Variants in ADAMTS6 observed in about 807,000 individuals in gnomAD.
The protein encoded by ADAMTS6 is ADAM metallopeptidase with thrombospondin type 1 motif 6, also known as A disintegrin and metalloproteinase with thrombospondin motifs 6.
A neutral mutation model predicts 144.3 loss-of-function variants in ADAMTS6; 23 were observed. That is an observed-to-expected ratio of 0.16 (90% CI 0.11 to 0.23). ADAMTS6 has a LOEUF of 0.23. Ranked by LOEUF, ADAMTS6 falls within the 10% of genes least tolerant of loss-of-function variation. ADAMTS6 has a pLI of 1.00. For missense variants in ADAMTS6, 999 were observed against 1,379.6 expected, an observed-to-expected ratio of 0.72 and a Z score of 4.37; for synonymous variants, 444 against 457.5, an observed-to-expected ratio of 0.97 and a Z score of 0.38.
chr5:65,282,457 G>T (rs72760519), intron 11 of ADAMTS6, among the ~76,000 whole-genome samples: 2 of 151,944 alleles, frequency 1.3e-5, no homozygotes, highest in Admixed American at 6.6e-5. Context: ...TTTCTTATTA[G>T]ACTTAAAAAG....
At chr5:65,448,323 G>C (rs1758442230) in intron 7 of ADAMTS6, among the ~76,000 whole-genome samples, 1 of 151,960 alleles carries the variant, frequency 6.6e-6, no homozygotes, top group Admixed American at 6.6e-5. Context: ...GTAAAAGACG[G>C]GATAACATTT....
At chr5:65,277,144 A>G (rs766071579) in intron 11 of ADAMTS6, among the ~76,000 whole-genome samples, 17 of 152,308 alleles carry the variant, frequency 1.1e-4, no homozygotes, top group Non-Finnish European at 2.2e-4. Flanking sequence ...TTTGAATTGG[A>G]ATCTCTAATG....
chr5:65,315,336 C>T (rs997273495), intron 9 of ADAMTS6, among the ~76,000 whole-genome samples: 8 of 151,270 alleles, frequency 5.3e-5, no homozygotes, highest in African/African-American at 1.9e-4. Flanking sequence ...AGAGCAGCAA[C>T]TAAAATATTT....
intron 7 of ADAMTS6, among the ~76,000 whole-genome samples, chr5:65,420,863 A>G (rs1755972183): frequency 6.6e-6 from 1 of 152,198 alleles, no homozygotes; most frequent in Non-Finnish European, 1.5e-5. Flanking sequence ...TGACAATAAT[A>G]GGAGGATGGA....
chr5:65,436,071 CT>C, intron 7 of ADAMTS6, among the ~76,000 whole-genome samples: 1 of 152,162 alleles, frequency 6.6e-6, no homozygotes. Context: ...TTTTCTAAAG[CT>C]TAATTAGGGG....
rs534874880 is a variant in ADAMTS6, at chr5:65,169,932, T to A, written c.3244+685A>T. Among the ~76,000 whole-genome samples, 266 of 150,028 alleles carry A rather than the reference T, an allele frequency of 1.8e-3. 3 individuals carry two copies. Among genetic ancestry groups the A allele is most frequent in the African/African-American group, 6.3e-3 (256 of 40,770 alleles). On this transcript the variant is annotated intron_variant, in intron 24 of 24. Transcript: ENST00000381055. ...GGATAGCATTGGGAGATATACCTAATGCTAGATGATGAGTTAGTGGGTGCA... is the reference window on the plus strand; with the variant it reads ...GGATAGCATTGGGAGATATACCTAAAGCTAGATGATGAGTTAGTGGGTGCA...
intron 20 of ADAMTS6, among the ~76,000 whole-genome samples, chr5:65,200,800 A>T (rs980337792): frequency 2.0e-5 from 3 of 152,324 alleles, no homozygotes; most frequent in African/African-American, 7.2e-5. Flanking sequence ...ATAAGAGATG[A>T]TATTGCCAAT....
intron 18 of ADAMTS6, 152 bp from the exon 19 acceptor site, chr5:65,215,639 A>AT: frequency 1.5e-6 from 1 of 650,046 alleles, no homozygotes; most frequent in Non-Finnish European, 2.5e-6. Context: ...TTAAAATGGT[A>AT]TTTTTCATGT....
intron 10 of ADAMTS6, among the ~76,000 whole-genome samples, chr5:65,294,125 T>C (rs1329871065): frequency 1.3e-5 from 2 of 152,240 alleles, no homozygotes; most frequent in African/African-American, 2.4e-5. Context: ...GTTTACTACA[T>C]GTGTAGTACA....
rs56329635 is a variant in ADAMTS6 at position 65,181,023 on chromosome 5, G to A, written c.2910+6993C>T. ...AGTCCTTACAACTCTCCTATGAGGT[G>A]GCAATTATTATTCTGTTTTTAAAAT... On this transcript the variant is annotated intron_variant, in intron 22 of 24. Transcript: ENST00000381055. Among the ~76,000 whole-genome samples, 1,305 of 152,204 alleles carry A rather than the reference G, an allele frequency of 8.6e-3. 17 individuals carry two copies. The highest frequency in any genetic ancestry group is 0.029 in the African/African-American group (1,219 of 41,524).
At chr5:65,446,460 TA>T (rs1758276991) in intron 7 of ADAMTS6, among the ~76,000 whole-genome samples, 1 of 152,220 alleles carries the variant, frequency 6.6e-6, no homozygotes. Flanking sequence ...AATTAAAGAC[TA>T]AATTATTTGA....
At chr5:65,408,349 C>T (rs1029028349) in intron 7 of ADAMTS6, among the ~76,000 whole-genome samples, 1 of 152,060 alleles carries the variant, frequency 6.6e-6, no homozygotes, top group Admixed American at 6.6e-5. Flanking sequence ...GGTTGCAATC[C>T]TAGTCTCTGA....
At chr5:65,278,337 G>A (rs1194684640) in intron 11 of ADAMTS6, among the ~76,000 whole-genome samples, 1 of 152,070 alleles carries the variant, frequency 6.6e-6, no homozygotes, top group Non-Finnish European at 1.5e-5. Flanking sequence ...TTTCCTTTGG[G>A]TAGATACCCA....
chr5:65,443,858 A>T (rs1378959509), intron 7 of ADAMTS6, among the ~76,000 whole-genome samples: 1 of 151,984 alleles, frequency 6.6e-6, no homozygotes, highest in Non-Finnish European at 1.5e-5. Context: ...AGAAACCTAT[A>T]GCTAACATCA....
chr5:65,385,818 A>T (rs1283888753), intron 7 of ADAMTS6, among the ~76,000 whole-genome samples: 1 of 152,190 alleles, frequency 6.6e-6, no homozygotes, highest in African/African-American at 2.4e-5. Flanking sequence ...GTAGGAATTT[A>T]AAATTAACAT....
chr5:65,472,591 A>G (rs1760547447), intron 2 of ADAMTS6, among the ~76,000 whole-genome samples: 1 of 152,076 alleles, frequency 6.6e-6, no homozygotes, highest in Non-Finnish European at 1.5e-5. Flanking sequence ...TGTACTAAAC[A>G]TTTTCCATCT....
intron 7 of ADAMTS6, among the ~76,000 whole-genome samples, chr5:65,450,702 A>G (rs1046114214): frequency 6.6e-6 from 1 of 152,166 alleles, no homozygotes; most frequent in Admixed American, 6.5e-5. Context: ...TCGTATAATC[A>G]AAGACAGGAT....
chr5:65,444,688 A>G (rs927807857), intron 7 of ADAMTS6, among the ~76,000 whole-genome samples: 1 of 152,190 alleles, frequency 6.6e-6, no homozygotes, highest in African/African-American at 2.4e-5. Flanking sequence ...AGATTACATA[A>G]AGTCATGAAT....
chr5:65,235,504 C>G (rs1276089314), intron 15 of ADAMTS6, among the ~76,000 whole-genome samples: 1 of 152,028 alleles, frequency 6.6e-6, no homozygotes, highest in Non-Finnish European at 1.5e-5. Context: ...AGTCAGTGGC[C>G]TGGGAAAGGC....
Sources: allele counts gnomAD v4.1 joint callset (sites outside exome capture counted in the v4.1 genomes callset), GRCh38; gene constraint gnomAD v4.1.1; transcripts MANE v1.5; gene names NCBI Gene and HGNC (gene_info 2026-07-23, HGNC 2026-07-21).